FBXL17: variants seen among roughly 807,000 people sequenced by gnomAD.
FBXL17 encodes F-box and leucine rich repeat protein 17, also known as F-box/LRR-repeat protein 17.
In FBXL17, 22 loss-of-function variants were observed where a neutral mutation model predicts 66.2. The ratio of observed to expected loss-of-function variants is 0.33; its 90% CI spans 0.24 to 0.47. The LOEUF (loss-of-function observed/expected upper bound fraction) is 0.47, where lower values mean the gene tolerates loss of function less well. FBXL17 is among the 20% of genes least tolerant of loss of function. The probability of loss-of-function intolerance (pLI) is 1.00; values close to 1 mark genes in which losing one functional copy is unlikely to be tolerated. For synonymous variants in FBXL17, 474 were observed against 400.5 expected, an observed-to-expected ratio of 1.18 and a Z score of -2.19; for missense variants, 878 against 948.2, an observed-to-expected ratio of 0.93 and a Z score of 0.97.
chr5:108,261,031 T>C (rs1393867952), intron 4 of FBXL17, among the ~76,000 whole-genome samples: 1 of 151,802 alleles, frequency 6.6e-6, no homozygotes, highest in Non-Finnish European at 1.5e-5. Flanking sequence ...GAATAAGAAA[T>C]CATTAAAAAT....
chr5:108,367,727 T>C lies in FBXL17; in HGVS notation c.1116+104A>G, dbSNP rs560835924. ...GCACAAAATTGTAGATTACAGTGATTTGAACTATCTTAAAAAACAAGAAGA... is the reference window on the plus strand; with the variant it reads ...GCACAAAATTGTAGATTACAGTGATCTGAACTATCTTAAAAAACAAGAAGA... On this transcript the variant is annotated intron_variant, in intron 2 of 8. Transcript: ENST00000542267. The C allele has an allele frequency of 1.4e-5, 14 of 1,013,796 alleles. No homozygotes were observed. In the East Asian group the frequency reaches 3.2e-4, roughly 23 times the overall value. The allele number at this position is 1,013,796 out of a possible 1,614,324, so 62.8% of individuals were successfully genotyped here. A position where few individuals can be genotyped will look rare whatever the true frequency, so the allele number is the denominator to read the frequency against.
At chr5:108,258,294 T>C (rs1486587900) in intron 4 of FBXL17, among the ~76,000 whole-genome samples, 2 of 152,166 alleles carry the variant, frequency 1.3e-5, no homozygotes, top group Admixed American at 1.3e-4. Flanking sequence ...CTGCCAGACC[T>C]TGATCTTGGA....
intron 7 of FBXL17, among the ~76,000 whole-genome samples, chr5:107,907,822 T>C (rs910943957): frequency 2.0e-5 from 3 of 152,128 alleles, no homozygotes; most frequent in African/African-American, 4.8e-5. Flanking sequence ...TGTGGAGAAA[T>C]AGGAACACTT....
chr5:108,030,989 T>A (rs1431194077), intron 6 of FBXL17, among the ~76,000 whole-genome samples: 2 of 152,098 alleles, frequency 1.3e-5, no homozygotes, highest in Non-Finnish European at 2.9e-5. Flanking sequence ...GACAGGGTCA[T>A]TAGATTCACA....
intron 6 of FBXL17, among the ~76,000 whole-genome samples, chr5:108,036,264 T>C (rs902598781): frequency 6.6e-6 from 1 of 152,202 alleles, no homozygotes; most frequent in South Asian, 2.1e-4. Flanking sequence ...ACTGGACATA[T>C]TTATTACAAA....
At chr5:108,330,131 G>A (rs562965711) in intron 4 of FBXL17, among the ~76,000 whole-genome samples, 19 of 152,198 alleles carry the variant, frequency 1.2e-4, no homozygotes, top group African/African-American at 4.6e-4. Context: ...CTACTTTATG[G>A]ATCCAGAATC....
Position 108,006,496 on chromosome 5 carries a change from C to T in FBXL17, c.1822+14429G>A, listed in dbSNP as rs377226431. On this transcript the variant is annotated intron_variant, in intron 7 of 8. Coordinates refer to ENST00000542267, the MANE Select transcript of FBXL17 (RefSeq NM_001163315.3). ...GTGATGCCATTTACACAGGGAAGAA[C>T]AGTAGTGGTTATGACGAAGTGATAG... 5.3e-5 allele frequency among the ~76,000 whole-genome samples: 8 copies of T among 152,228 alleles called. No homozygotes were observed. In the East Asian group the frequency reaches 9.6e-4, roughly 18 times the overall value.
At chr5:108,135,536 CA>C (rs1345861686) in intron 6 of FBXL17, among the ~76,000 whole-genome samples, 1 of 152,070 alleles carries the variant, frequency 6.6e-6, no homozygotes, top group Non-Finnish European at 1.5e-5. Context: ...GTGAAGTGAA[CA>C]AATCTAGATT....
At chr5:108,278,323 TCTCAATCTTAG>T (rs1467761828) in intron 4 of FBXL17, among the ~76,000 whole-genome samples, 2 of 152,166 alleles carry the variant, frequency 1.3e-5, no homozygotes, top group Non-Finnish European at 2.9e-5. Flanking sequence ...AAGATGCTAT[TCTCAATCTTAG>T]CTCTTAAAAG....
At chr5:108,222,839 T>G (rs1374761047) in intron 5 of FBXL17, among the ~76,000 whole-genome samples, 1 of 151,926 alleles carries the variant, frequency 6.6e-6, no homozygotes, top group Non-Finnish European at 1.5e-5. Context: ...CATGCCCAGC[T>G]AATTTTTGTC....
At chr5:107,992,458 C>A (rs962123191) in intron 7 of FBXL17, among the ~76,000 whole-genome samples, 1 of 152,060 alleles carries the variant, frequency 6.6e-6, no homozygotes, top group Non-Finnish European at 1.5e-5. Flanking sequence ...ATAAAAAAGG[C>A]TATAAGTCTC....
intron 7 of FBXL17, among the ~76,000 whole-genome samples, chr5:108,001,116 G>T (rs1464727285): frequency 6.6e-6 from 1 of 152,002 alleles, no homozygotes; most frequent in Non-Finnish European, 1.5e-5. Flanking sequence ...TAACCTAAAG[G>T]TAAAAAGAAG....
At chr5:108,247,830 A>G (rs1756173929) in intron 4 of FBXL17, among the ~76,000 whole-genome samples, 1 of 152,198 alleles carries the variant, frequency 6.6e-6, no homozygotes, top group Admixed American at 6.5e-5. Flanking sequence ...ACCAGGGATT[A>G]ACATTCAAGT....
At chr5:107,920,177 C>A (rs918690510) in intron 7 of FBXL17, among the ~76,000 whole-genome samples, 3 of 152,182 alleles carry the variant, frequency 2.0e-5, no homozygotes, top group Non-Finnish European at 4.4e-5. Flanking sequence ...CAGGGCCAAT[C>A]ACATTCATAT....
intron 5 of FBXL17, among the ~76,000 whole-genome samples, chr5:108,222,356 G>A (rs1754902019): frequency 6.6e-6 from 1 of 152,160 alleles, no homozygotes; most frequent in South Asian, 2.1e-4. Flanking sequence ...AACATAAACA[G>A]CATTAGGTGT....
chr5:108,209,733 C>T (rs899979163), intron 5 of FBXL17, among the ~76,000 whole-genome samples: 11 of 151,948 alleles, frequency 7.2e-5, no homozygotes, highest in East Asian at 3.9e-4. Context: ...TGAGGATTTT[C>T]GAATCAATGT....
At chr5:108,353,760 G>T (rs1747790278) in intron 3 of FBXL17, among the ~76,000 whole-genome samples, 1 of 152,026 alleles carries the variant, frequency 6.6e-6, no homozygotes, top group African/African-American at 2.4e-5. Flanking sequence ...CTAAGGGTAA[G>T]GGGAAAAAAA....
chr5:108,146,768 T>C (rs1751577722), intron 6 of FBXL17, among the ~76,000 whole-genome samples: 1 of 152,028 alleles, frequency 6.6e-6, no homozygotes, highest in Admixed American at 6.5e-5. Context: ...GTGGGGACAC[T>C]CAAATCACAG....
intron 6 of FBXL17, among the ~76,000 whole-genome samples, chr5:108,174,889 A>C (rs1336615550): frequency 6.6e-6 from 1 of 152,138 alleles, no homozygotes; most frequent in Non-Finnish European, 1.5e-5. Context: ...AAAAGGGCAA[A>C]ATGCACTGAT....
Sources: gnomAD v4.1 joint callset for allele counts (sites outside exome capture counted in the v4.1 genomes callset) on GRCh38, gnomAD v4.1.1 for gene constraint, MANE v1.5 for transcripts, NCBI Gene and HGNC (gene_info 2026-07-23, HGNC 2026-07-21) for gene names.